The following LRP12 variants were observed in gnomAD, a reference collection of about 807,000 sequenced individuals.
LRP12 encodes the protein LDL receptor related protein 12.
A neutral mutation model predicts 66.0 loss-of-function variants in LRP12; 14 were observed. The ratio of observed to expected loss-of-function variants is 0.21; its 90% CI spans 0.14 to 0.33. The LOEUF (loss-of-function observed/expected upper bound fraction) is 0.33. Among genes scored for constraint, LRP12 ranks in the 10% least tolerant of loss-of-function variants. The pLI is 1.00. For synonymous variants in LRP12, 357 were observed against 359.1 expected (o/e 0.99, Z 0.07); for missense variants, 889 against 1,053.4 (o/e 0.84, Z 2.16).
At chr8:104,575,090 A>C (rs967426751) in intron 1 of LRP12, among the ~76,000 whole-genome samples, 1 of 152,106 alleles carries the variant, frequency 6.6e-6, no homozygotes, top group African/African-American at 2.4e-5. Context: ...GGTGTGGGAG[A>C]GGGGGAAGGG....
rs904748133 is a variant in LRP12 at position 104,531,483 on chromosome 8, G to A, written c.136+424C>T. On this transcript the variant is annotated intron_variant, in intron 2 of 6. Transcript: ENST00000276654. ...GCTTTTAACAGCAAATAAACTGTGC[G>A]CTCAAATACAATAGTTATATGTAGA... Among the ~76,000 whole-genome samples the A allele has an allele frequency of 5.9e-5, 9 of 152,138 alleles. No individual in the cohort carries two copies. In the South Asian group the frequency reaches 6.2e-4, roughly 11 times the overall value.
chr8:104,545,762 G>T (rs913658180), intron 1 of LRP12, among the ~76,000 whole-genome samples: 1 of 152,096 alleles, frequency 6.6e-6, no homozygotes, highest in East Asian at 1.9e-4. Context: ...AAAAATACAC[G>T]TGACTCACTT....
intron 2 of LRP12, among the ~76,000 whole-genome samples, chr8:104,520,126 C>T (rs1465129051): frequency 6.6e-6 from 1 of 151,764 alleles, no homozygotes; most frequent in African/African-American, 2.4e-5. Context: ...AATATACCCA[C>T]CTAAAATGGA....
rs190396835 is a variant in LRP12, at chr8:104,535,478, T to C, written c.80-3515A>G. Among the ~76,000 whole-genome samples the C allele has an allele frequency of 1.3e-3, 204 of 152,090 alleles. 1 individual carries two copies. The highest frequency in any genetic ancestry group is 0.01 in the Middle Eastern group (3 of 294). On this transcript the variant is annotated intron_variant, in intron 1 of 6. Coordinates refer to ENST00000276654, the MANE Select transcript of LRP12 (RefSeq NM_013437.5). ...TAAATTTATAGTCTGTGCATCCCTG[T>C]TGCTTTATTAACTTTGTCTTCTTTT...
At chr8:104,574,664 T>C (rs1812134177) in intron 1 of LRP12, among the ~76,000 whole-genome samples, 1 of 152,236 alleles carries the variant, frequency 6.6e-6, no homozygotes, top group African/African-American at 2.4e-5. Context: ...TGAGATGGGC[T>C]GTAAGTATAA....
At chr8:104,511,993 T>G (rs1811006547) in intron 2 of LRP12, among the ~76,000 whole-genome samples, 1 of 152,180 alleles carries the variant, frequency 6.6e-6, no homozygotes, top group South Asian at 2.1e-4. Context: ...AAAGACTATA[T>G]GTATCCAAAT....
intron 1 of LRP12, 93 bp from the exon 2 acceptor site, chr8:104,532,056 G>C: frequency 1.4e-6 from 1 of 714,758 alleles, no homozygotes; most frequent in East Asian, 2.7e-5. Flanking sequence ...ACTACATAGA[G>C]TTCCTTTTAA....
At chr8:104,503,224 G>A (rs1810854589) in intron 3 of LRP12, among the ~76,000 whole-genome samples, 1 of 151,136 alleles carries the variant, frequency 6.6e-6, no homozygotes, top group African/African-American at 2.4e-5. Context: ...CTACTCGGGA[G>A]GCTGAGGCGG....
At position 104,497,920 on chromosome 8, in the gene LRP12, G is replaced by A. The variant is rs1476734861; in HGVS notation, c.632C>T (p.Ala211Val). ...AKEANPPTAA[A>V]FQPCAYNQFQ... is the part of the protein sequence containing the mutation. Reference sequence around the variant, plus strand: ...CTGGTTGTAAGCACAGGGTTGAAAAGCAGCAGCAGTTGGAGGATTTGCTTC... The same window carrying A: ...CTGGTTGTAAGCACAGGGTTGAAAAACAGCAGCAGTTGGAGGATTTGCTTC... Residue 211 changes from alanine (A) to valine (V), a missense_variant, in exon 5 of 7, where the codon GCT (alanine) becomes GTT (valine). Coordinates refer to ENST00000276654, the MANE Select transcript of LRP12 (RefSeq NM_013437.5). This position sits in a 1 kb window ranked among gnomAD's most constrained non-coding sequence, Gnocchi z 4.3. The A allele has an allele frequency of 6.2e-7, 1 of 1,614,176 alleles. No homozygotes were observed. Among genetic ancestry groups the A allele is most frequent in the Non-Finnish European group, 8.5e-7 (1 of 1,180,022 alleles).
chr8:104,547,747 C>T (rs1267307102), intron 1 of LRP12, among the ~76,000 whole-genome samples: 3 of 117,686 alleles, frequency 2.5e-5, no homozygotes, highest in East Asian at 2.3e-4. Context: ...AATATATAAT[C>T]ATATATAATA....
At chr8:104,511,011 T>C (rs867512179) in intron 2 of LRP12, among the ~76,000 whole-genome samples, 3 of 149,030 alleles carry the variant, frequency 2.0e-5, no homozygotes, top group Non-Finnish European at 3.0e-5. Context: ...ACTATTACAA[T>C]TGTAATTTGG....
At chr8:104,540,429 T>A (rs1465363415) in intron 1 of LRP12, among the ~76,000 whole-genome samples, 1 of 152,150 alleles carries the variant, frequency 6.6e-6, no homozygotes, top group Non-Finnish European at 1.5e-5. Context: ...TGGGAATCCC[T>A]TTCAAGTGTA....
chr8:104,583,015 A>C lies in LRP12; in HGVS notation c.79+5804T>G, dbSNP rs112868144. Among the ~76,000 whole-genome samples the C allele has an allele frequency of 9.6e-3, 1,464 of 152,036 alleles. 11 individuals carry two copies. Among genetic ancestry groups the C allele is most frequent in the Non-Finnish European group, 0.014 (953 of 67,908 alleles). On this transcript the variant is annotated intron_variant, in intron 1 of 6. Transcript: ENST00000276654. ...TTACGGCAAGAGGAAAAATCCCCTT[A>C]TCTCTATCAACAGGGCAACCTACAC...
At chr8:104,570,677 A>G (rs766175056) in intron 1 of LRP12, among the ~76,000 whole-genome samples, 6 of 152,200 alleles carry the variant, frequency 3.9e-5, no homozygotes, top group Non-Finnish European at 8.8e-5. Flanking sequence ...AAACTTTCAG[A>G]AAAAAAGCAG....
chr8:104,579,194 G>T (rs1411405333), intron 1 of LRP12, among the ~76,000 whole-genome samples: 1 of 152,070 alleles, frequency 6.6e-6, no homozygotes, highest in Non-Finnish European at 1.5e-5. Flanking sequence ...ATAGTCTCGG[G>T]CCCAAAGCTT....
intron 1 of LRP12, among the ~76,000 whole-genome samples, chr8:104,577,571 G>C (rs987502078): frequency 6.6e-6 from 1 of 152,180 alleles, no homozygotes; most frequent in Non-Finnish European, 1.5e-5. Flanking sequence ...ACCACTTTGG[G>C]AGGCCAAGGC....
intron 1 of LRP12, among the ~76,000 whole-genome samples, chr8:104,558,144 A>T (rs1811841680): frequency 6.6e-6 from 1 of 152,196 alleles, no homozygotes; most frequent in Non-Finnish European, 1.5e-5. Context: ...CCAGAGGCGA[A>T]GGCTGCAGTG....
At chr8:104,550,169 C>A (rs1811705007) in intron 1 of LRP12, among the ~76,000 whole-genome samples, 1 of 152,112 alleles carries the variant, frequency 6.6e-6, no homozygotes. Context: ...TACAGCACCC[C>A]TCTAAAATAG....
intron 1 of LRP12, among the ~76,000 whole-genome samples, chr8:104,564,595 C>T (rs763334872): frequency 4.0e-4 from 61 of 151,292 alleles, no homozygotes; most frequent in African/African-American, 1.4e-3. Context: ...AAATCAGCAC[C>T]GCATAGCTAA....
Sources: gnomAD v4.1 joint callset for allele counts (sites outside exome capture counted in the v4.1 genomes callset) on GRCh38, gnomAD v4.1.1 for gene constraint, Gnocchi (gnomAD v3.1) non-coding constraint, MANE v1.5 for transcripts, NCBI Gene and HGNC (gene_info 2026-07-23, HGNC 2026-07-21) for gene names.